GLDC: variants seen among roughly 807,000 people sequenced by gnomAD.
GLDC encodes glycine dehydrogenase (decarboxylating), mitochondrial.
Under a neutral mutation model 121.3 loss-of-function variants are expected in GLDC, and 104 were observed. That is an observed-to-expected ratio of 0.86 (90% CI 0.73 to 1.01). The LOEUF (loss-of-function observed/expected upper bound fraction) is 1.01. Ranked by LOEUF, GLDC falls within the 50% of genes least tolerant of loss-of-function variation. The probability of loss-of-function intolerance (pLI) is 0.00; values close to 1 mark genes in which losing one functional copy is unlikely to be tolerated. For missense variants in GLDC, 1,429 were observed against 1,306.6 expected (o/e 1.09, Z -1.44); for synonymous variants, 546 against 480.6 (o/e 1.14, Z -1.78).
chr9:6,565,019 G>A (rs1016171800), intron 16 of GLDC, among the ~76,000 whole-genome samples: 20 of 152,206 alleles, frequency 1.3e-4, no homozygotes, highest in African/African-American at 3.9e-4. Flanking sequence ...GCCCAGGGCC[G>A]GGGCTGAGCC....
intron 8 of GLDC, among the ~76,000 whole-genome samples, chr9:6,600,728 C>G (rs1818592499): frequency 6.6e-6 from 1 of 152,024 alleles, no homozygotes; most frequent in South Asian, 2.1e-4. Context: ...AGAATGGATC[C>G]TGTGCTCAGG....
intron 5 of GLDC, 61 bp from the exon 6 acceptor site, chr9:6,605,339 C>A: frequency 6.4e-7 from 1 of 1,552,514 alleles, no homozygotes; most frequent in Non-Finnish European, 8.9e-7. Flanking sequence ...AATTAATTAA[C>A]GTTTCTTTTC....
intron 7 of GLDC, 130 bp downstream of exon 7, chr9:6,604,458 C>T: frequency 1.2e-6 from 1 of 841,542 alleles, no homozygotes; most frequent in East Asian, 2.5e-5. Flanking sequence ...TCTTCTGAAT[C>T]TATGTTGTAC....
Position 6,645,446 on chromosome 9 carries a change from G to A in GLDC, c.54C>T (p.Gly18=), listed in dbSNP as rs1563878037. 3 of 1,262,124 alleles carry A rather than the reference G, an allele frequency of 2.4e-6. No individual in the cohort carries two copies. Among genetic ancestry groups the A allele is most frequent in the Admixed American group, 4.3e-5 (1 of 23,410 alleles). 78.2% of individuals were successfully genotyped at this position (1,262,124 alleles called of 1,614,324 possible). Residue 18 remains glycine (G), a synonymous_variant, in exon 1 of 25, where the codon GGC becomes GGT. Coordinates refer to ENST00000321612, the MANE Select transcript of GLDC (RefSeq NM_000170.3). ...WGLRLGRGVG[G]GRRLAGGSGP... ...CCGATCCCCCAGCCAGGCGGCGGCC[G>A]CCCCCGACCCCGCGGCCCAGGCGCA...
intron 20 of GLDC, among the ~76,000 whole-genome samples, chr9:6,552,033 G>A (rs1194117619): frequency 6.6e-6 from 1 of 152,176 alleles, no homozygotes; most frequent in Non-Finnish European, 1.5e-5. Flanking sequence ...ATTTCGTGCA[G>A]GCTAGTGAGA....
chr9:6,630,260 C>A (rs972688519), intron 2 of GLDC, among the ~76,000 whole-genome samples: 3 of 152,004 alleles, frequency 2.0e-5, no homozygotes, highest in African/African-American at 4.8e-5. Context: ...CAAAGCGAGA[C>A]TCTGTCTCAG....
In GLDC at chr9:6,537,894, C is replaced by G. The variant is rs189412381; in HGVS notation, c.2666-1658G>C. 4.4e-3 allele frequency among the ~76,000 whole-genome samples: 674 copies of G among 152,330 alleles called. 2 individuals carry two copies. The highest frequency in any genetic ancestry group is 9.7e-3 in the Admixed American group (149 of 15,306). ...TGTTTGCTTTATCACATCTACTCAT[C>G]CAGCCATCCGTCTTACTTTCTGACG... On this transcript the variant is annotated intron_variant, in intron 22 of 24. Coordinates refer to ENST00000321612, the MANE Select transcript of GLDC (RefSeq NM_000170.3).
chr9:6,628,456 G>C (rs1013895586), intron 2 of GLDC, among the ~76,000 whole-genome samples: 3 of 152,192 alleles, frequency 2.0e-5, no homozygotes, highest in African/African-American at 7.2e-5. Context: ...AACTAACCAG[G>C]GGGGAAAGAG....
chr9:6,564,936 T>A (rs540013468), intron 16 of GLDC, among the ~76,000 whole-genome samples: 1 of 152,372 alleles, frequency 6.6e-6, no homozygotes, highest in East Asian at 1.9e-4. Flanking sequence ...TTGAGCATAC[T>A]ATGACCAGAA....
At chr9:6,594,249 A>G (rs1284538269) in intron 9 of GLDC, among the ~76,000 whole-genome samples, 8 of 152,240 alleles carry the variant, frequency 5.3e-5, no homozygotes, top group African/African-American at 1.9e-4. Context: ...ATTTATTTGT[A>G]TACTTATTTC....
intron 15 of GLDC, among the ~76,000 whole-genome samples, chr9:6,571,110 A>G (rs140589880): frequency 6.2e-4 from 94 of 152,230 alleles, no homozygotes; most frequent in African/African-American, 2.2e-3. Context: ...TCTTATAGAC[A>G]CAAGCAAGAT....
chr9:6,606,327 A>AG (rs1227290864), intron 5 of GLDC, among the ~76,000 whole-genome samples: 8 of 84,520 alleles, frequency 9.5e-5, no homozygotes, highest in African/African-American at 1.7e-4. Flanking sequence ...AAAAAAAAAA[A>AG]AAGAAGAAGA....
rs1331638239 is a variant in GLDC at position 6,592,923 on chromosome 9, G to A, written c.1329C>T (p.Gly443=). 6.2e-6 allele frequency: 10 copies of A among 1,613,776 alleles called. No homozygotes were observed. Among genetic ancestry groups the A allele is most frequent in the African/African-American group, 1.3e-5 (1 of 74,936 alleles). The change falls in exon 10 of 25, where the codon GGC becomes GGT. Residue 443 remains glycine (G), a synonymous_variant. Transcript: ENST00000321612. ...LFFDTLKIQC[G]CSVKEVLGRA... is the part of the protein sequence containing the mutation. ...TGCCCAAGACCTCCTTCACTGAGCA[G>A]CCACACTGAATCTTCAAGGTATCAA...
chr9:6,621,644 A>G (rs548005443), intron 2 of GLDC, among the ~76,000 whole-genome samples: 1 of 152,196 alleles, frequency 6.6e-6, no homozygotes, highest in East Asian at 1.9e-4. Flanking sequence ...CAGCCTCCTG[A>G]GTAGCTGGGA....
chr9:6,561,653 GA>G (rs56666104), intron 16 of GLDC, among the ~76,000 whole-genome samples: 1 of 151,682 alleles, frequency 6.6e-6, no homozygotes, highest in Non-Finnish European at 1.5e-5. Flanking sequence ...TCTCTTGGGG[GA>G]AAAAAATTGT....
At chr9:6,644,593 G>C in intron 2 of GLDC, 21 bp downstream of exon 2, 1 of 1,544,080 alleles carries the variant, frequency 6.5e-7, no homozygotes, top group Non-Finnish European at 9.0e-7. Context: ...TAAGTCCAAG[G>C]GAGCCCTCCC....
chr9:6,615,492 G>A (rs962573003), intron 3 of GLDC, among the ~76,000 whole-genome samples: 1 of 151,870 alleles, frequency 6.6e-6, no homozygotes, highest in African/African-American at 2.4e-5. Context: ...TGAGGCAGGA[G>A]GATTACGTGA....
intron 2 of GLDC, among the ~76,000 whole-genome samples, chr9:6,628,290 C>T (rs780480319): frequency 6.6e-6 from 1 of 152,188 alleles, no homozygotes; most frequent in Non-Finnish European, 1.5e-5. Flanking sequence ...CCATCCAAAC[C>T]TTGGAAAGCA....
chr9:6,562,441 T>C (rs1817777145), intron 16 of GLDC, among the ~76,000 whole-genome samples: 1 of 152,218 alleles, frequency 6.6e-6, no homozygotes, highest in Non-Finnish European at 1.5e-5. Flanking sequence ...TTTTGCTGGA[T>C]TCCATTAGAA....
Sources: gnomAD v4.1 joint callset for allele counts (sites outside exome capture counted in the v4.1 genomes callset) on GRCh38, gnomAD v4.1.1 for gene constraint, MANE v1.5 for transcripts, NCBI Gene and HGNC (gene_info 2026-07-23, HGNC 2026-07-21) for gene names.